Variants in PDZRN4 observed in about 807,000 individuals in gnomAD.
PDZRN4 encodes the protein PDZ domain containing ring finger 4.
Under a neutral mutation model 99.0 loss-of-function variants are expected in PDZRN4, and 70 were observed. The observed-to-expected ratio is 0.71, with a 90% confidence interval of 0.58 to 0.86. The LOEUF (loss-of-function observed/expected upper bound fraction) is 0.86, where lower values mean the gene tolerates loss of function less well. Among genes scored for constraint, PDZRN4 ranks in the 40% least tolerant of loss-of-function variants. The probability of loss-of-function intolerance (pLI) is 0.00; values close to 1 mark genes in which losing one functional copy is unlikely to be tolerated. For missense variants in PDZRN4, 1,474 were observed against 1,331.2 expected, an observed-to-expected ratio of 1.11 and a Z score of -1.67; for synonymous variants, 551 against 501.6, an observed-to-expected ratio of 1.10 and a Z score of -1.32.
At chr12:41,244,839 C>T (rs1048942273) in intron 3 of PDZRN4, among the ~76,000 whole-genome samples, 14 of 136,104 alleles carry the variant, frequency 1.0e-4, no homozygotes, top group African/African-American at 2.7e-4. Flanking sequence ...CGCCCGCCAC[C>T]GCGCCCGGCT....
At chr12:41,504,942 G>T (rs190645486) in intron 3 of PDZRN4, among the ~76,000 whole-genome samples, 1 of 152,236 alleles carries the variant, frequency 6.6e-6, no homozygotes, top group Non-Finnish European at 1.5e-5. Flanking sequence ...AAGCTTAATT[G>T]CTCATTTTTT....
intron 3 of PDZRN4, among the ~76,000 whole-genome samples, chr12:41,264,001 T>G (rs1393088097): frequency 6.6e-6 from 1 of 152,190 alleles, no homozygotes; most frequent in Non-Finnish European, 1.5e-5. Flanking sequence ...CTTAACTTTT[T>G]GTCCTTTCAA....
intron 7 of PDZRN4, among the ~76,000 whole-genome samples, chr12:41,557,186 G>A (rs1423133544): frequency 1.3e-5 from 2 of 150,954 alleles, no homozygotes; most frequent in Non-Finnish European, 3.0e-5. Flanking sequence ...ATGGCTGCAG[G>A]GAGACACACA....
intron 3 of PDZRN4, among the ~76,000 whole-genome samples, chr12:41,413,960 A>G (rs1015184993): frequency 1.3e-5 from 2 of 152,100 alleles, no homozygotes; most frequent in Non-Finnish European, 2.9e-5. Flanking sequence ...TCATTCTTTC[A>G]ACTCCATGTT....
intron 8 of PDZRN4, among the ~76,000 whole-genome samples, chr12:41,565,753 A>G (rs1939358455): frequency 6.6e-6 from 1 of 152,108 alleles, no homozygotes; most frequent in Non-Finnish European, 1.5e-5. Flanking sequence ...TGAGACCATT[A>G]AAGATATTGC....
chr12:41,204,072 C>T (rs184746448), intron 3 of PDZRN4, among the ~76,000 whole-genome samples: 49 of 119,950 alleles, frequency 4.1e-4, no homozygotes, highest in African/African-American at 1.2e-3. Context: ...TAGAAAAGTA[C>T]CAGAAGTATC....
chr12:41,393,010 T>C (rs1272594929), intron 3 of PDZRN4, among the ~76,000 whole-genome samples: 2 of 152,208 alleles, frequency 1.3e-5, no homozygotes, highest in African/African-American at 2.4e-5. Flanking sequence ...CCAGGCATTA[T>C]GGGTTAAGCA....
chr12:41,472,089 C>T (rs889146626), intron 3 of PDZRN4, among the ~76,000 whole-genome samples: 3 of 151,774 alleles, frequency 2.0e-5, no homozygotes, highest in East Asian at 3.9e-4. Context: ...GCAACCTCCA[C>T]ACCTCCCAGG....
At chr12:41,497,875 C>T (rs1453300833) in intron 3 of PDZRN4, among the ~76,000 whole-genome samples, 1 of 152,036 alleles carries the variant, frequency 6.6e-6, no homozygotes, top group Non-Finnish European at 1.5e-5. Context: ...ACAAACTCTA[C>T]AGGAAGCTAT....
chr12:41,569,840 G>A (rs569330418), intron 9 of PDZRN4, among the ~76,000 whole-genome samples: 16 of 152,274 alleles, frequency 1.1e-4, no homozygotes, highest in African/African-American at 3.8e-4. Context: ...ATGCTCACAA[G>A]TAATATCGCT....
At chr12:41,516,106 T>G (rs1938396929) in intron 5 of PDZRN4, among the ~76,000 whole-genome samples, 1 of 152,042 alleles carries the variant, frequency 6.6e-6, no homozygotes, top group Non-Finnish European at 1.5e-5. Flanking sequence ...CAAGCATCAC[T>G]CCATCAGAAG....
chr12:41,434,434 C>T lies in PDZRN4; in HGVS notation c.844-72022C>T, dbSNP rs140705649. 9.5e-4 allele frequency among the ~76,000 whole-genome samples: 145 copies of T among 152,150 alleles called. 1 individual carries two copies. The East Asian group carries it at 0.019, about 19-fold the overall frequency. ...CACCATTCATTCACAGTACTTAGATCCTTGAATGAATTAAGGACTGCTGGC... is the reference window on the plus strand; with the variant it reads ...CACCATTCATTCACAGTACTTAGATTCTTGAATGAATTAAGGACTGCTGGC... On this transcript the variant is annotated intron_variant, in intron 3 of 9. Transcript: ENST00000402685.
At chr12:41,408,822 T>G (rs960275796) in intron 3 of PDZRN4, among the ~76,000 whole-genome samples, 1 of 151,986 alleles carries the variant, frequency 6.6e-6, no homozygotes, top group Non-Finnish European at 1.5e-5. Context: ...TTGCGCTCTC[T>G]CTCTCACTCT....
chr12:41,516,638 C>T (rs1296275312), intron 5 of PDZRN4, among the ~76,000 whole-genome samples: 1 of 152,014 alleles, frequency 6.6e-6, no homozygotes, highest in Non-Finnish European at 1.5e-5. Flanking sequence ...AATGCGTAAG[C>T]TGGTGAACCC....
chr12:41,429,290 A>G (rs1438986563), intron 3 of PDZRN4, among the ~76,000 whole-genome samples: 1 of 152,208 alleles, frequency 6.6e-6, no homozygotes, highest in Non-Finnish European at 1.5e-5. Context: ...ATTGCCTACC[A>G]TAATAACTAC....
intron 3 of PDZRN4, among the ~76,000 whole-genome samples, chr12:41,312,329 A>C (rs1951612564): frequency 6.6e-6 from 1 of 151,744 alleles, no homozygotes; most frequent in African/African-American, 2.4e-5. Flanking sequence ...TTCCAAAATC[A>C]TTCCACTGAA....
chr12:41,402,908 C>T (rs1045357747), intron 3 of PDZRN4, among the ~76,000 whole-genome samples: 1 of 151,790 alleles, frequency 6.6e-6, no homozygotes, highest in African/African-American at 2.4e-5. Context: ...AGCTAAATTG[C>T]AAAGAGAAGC....
chr12:41,422,276 G>A (rs974507395), intron 3 of PDZRN4, among the ~76,000 whole-genome samples: 2 of 152,192 alleles, frequency 1.3e-5, no homozygotes, highest in Non-Finnish European at 2.9e-5. Flanking sequence ...AGAGAGTAGT[G>A]TGTATCTGTT....
At chr12:41,487,973 T>TATGA (rs1028297780) in intron 3 of PDZRN4, among the ~76,000 whole-genome samples, 2 of 152,216 alleles carry the variant, frequency 1.3e-5, no homozygotes, top group East Asian at 1.9e-4. Flanking sequence ...ATGCATTATA[T>TATGA]ATGAATGAAT....
Sources: allele counts gnomAD v4.1 joint callset (sites outside exome capture counted in the v4.1 genomes callset), GRCh38; gene constraint gnomAD v4.1.1; transcripts MANE v1.5; gene names NCBI Gene and HGNC (gene_info 2026-07-23, HGNC 2026-07-21).